Variants in YIPF6 observed in about 807,000 individuals in gnomAD.
YIPF6 encodes protein YIPF6.
A neutral mutation model predicts 16.8 loss-of-function variants in YIPF6; 3 were observed. That is an observed-to-expected ratio of 0.18 (90% CI 0.08 to 0.46). The LOEUF (loss-of-function observed/expected upper bound fraction) is 0.46. YIPF6 is among the 20% of genes least tolerant of loss of function. The probability of loss-of-function intolerance (pLI) is 0.98; values close to 1 mark genes in which losing one functional copy is unlikely to be tolerated. For missense variants in YIPF6, 145 were observed against 184.9 expected (o/e 0.78, Z 1.25); for synonymous variants, 67 against 61.9 (o/e 1.08, Z -0.38).
intron 1 of YIPF6, chrX:68,510,583 ATATTT>A (rs1385026897): frequency 1.1e-5 from 1 of 89,316 alleles, no homozygotes; most frequent in Non-Finnish European, 2.0e-5. Context: ...TTTATATTTT[ATATTT>A]TATTTATTTT....
chrX:68,521,385 G>C lies in YIPF6; in HGVS notation c.322G>C (p.Asp108His), dbSNP rs190491564. ...TCCTTTTCTCAGAATGCTGCAAAGAGACTCTGCAGATAGTGAAAAAGATGG... is the reference window on the plus strand; with the variant it reads ...TCCTTTTCTCAGAATGCTGCAAAGACACTCTGCAGATAGTGAAAAAGATGG... ...CVTLALMLQR[D>H]SADSEKDGGP... Residue 108 changes from aspartate to histidine, a missense_variant, in exon 5 of 7, where the codon GAC (aspartate) becomes CAC (histidine). Physicochemically the swap from Asp to His is moderately conservative, Grantham distance 81. Coordinates refer to ENST00000462683, the MANE Select transcript of YIPF6 (RefSeq NM_173834.4). 2.4e-4 allele frequency: 289 copies of C among 1,208,544 alleles called. 1 individual carries two copies. In the Admixed American group the frequency reaches 6.2e-3, roughly 26 times the overall value.
intron 6 of YIPF6, among the ~76,000 whole-genome samples, chrX:68,524,002 C>T (rs146423870): frequency 0.03 from 3,402 of 111,943 alleles, 138 homozygotes; most frequent in African/African-American, 0.11. Flanking sequence ...ATGCGTCAGG[C>T]ATAATTTTAG....
chrX:68,512,527 A>T (rs1273278499), intron 2 of YIPF6, among the ~76,000 whole-genome samples: 1 of 112,156 alleles, frequency 8.9e-6, no homozygotes, highest in East Asian at 2.8e-4. Context: ...CAAATGTAGT[A>T]TAAGGAAAGT....
Position 68,533,700 on chromosome X carries a change from T to C in YIPF6, c.*1701T>C, listed in dbSNP as rs889242334. 2.7e-5 allele frequency: 3 copies of C among 111,865 alleles called. No individual in the cohort carries two copies. Among genetic ancestry groups the C allele is most frequent in the Non-Finnish European group, 3.8e-5 (2 of 53,197 alleles). 9.2% of individuals were successfully genotyped at this position (111,865 alleles called of 1,213,427 possible). ...TATTTATTACAATTTACCTTTTAAA[T>C]TGTAAAATAAACCTTTGTGTGGACA... On this transcript the variant is annotated 3_prime_UTR_variant, in exon 7 of 7. Transcript: ENST00000462683.
At position 68,518,727 on chromosome X, in the gene YIPF6, A is replaced by G. The variant is rs760078731; in HGVS notation, c.266-43A>G. On this transcript the variant is annotated intron_variant, in intron 3 of 6. Transcript: ENST00000462683. ...GAGAGAGGTAGATATTAGAATAAAG[A>G]CAGAAAATATTACCTTCGCTTCTGT... 4 of 1,166,930 alleles carry G rather than the reference A, an allele frequency of 3.4e-6. No homozygotes were observed. The Admixed American group carries it at 8.1e-5, about 24-fold the overall frequency.
intron 1 of YIPF6, among the ~76,000 whole-genome samples, chrX:68,504,017 C>T (rs936503254): frequency 2.7e-5 from 3 of 112,465 alleles, no homozygotes; most frequent in Admixed American, 9.4e-5. Context: ...CGGCACCTGG[C>T]CCTCCCCTCA....
chrX:68,519,503 CTT>C (rs1369657249), intron 4 of YIPF6, among the ~76,000 whole-genome samples: 3 of 104,125 alleles, frequency 2.9e-5, no homozygotes, highest in Non-Finnish European at 2.0e-5. Flanking sequence ...TTTTATTTTT[CTT>C]TTTTTTTTTG....
chrX:68,523,819 A>G (rs1444372389), intron 6 of YIPF6, among the ~76,000 whole-genome samples: 1 of 111,967 alleles, frequency 8.9e-6, no homozygotes, highest in Non-Finnish European at 1.9e-5. Context: ...CTGTATATTA[A>G]GCTTGGGTGC....
Position 68,524,060 on chromosome X carries a change from G to A in YIPF6, c.592+1143G>A, listed in dbSNP as rs546894941. Among the ~76,000 whole-genome samples the A allele has an allele frequency of 1.4e-4, 16 of 111,855 alleles. 1 individual carries two copies. The South Asian group carries it at 3.8e-3, about 26-fold the overall frequency. ...TCACAATCTAACAGAGCAGCCCGAC[G>A]TGAAAACATTTAAAGGCAATAGGTG... On this transcript the variant is annotated intron_variant, in intron 6 of 6. Transcript: ENST00000462683.
At chrX:68,523,326 A>G (rs1366240874) in intron 6 of YIPF6, among the ~76,000 whole-genome samples, 5 of 111,819 alleles carry the variant, frequency 4.5e-5, no homozygotes, top group Non-Finnish European at 9.4e-5. Flanking sequence ...TATATATATT[A>G]TCCCATTTAA....
At position 68,502,871 on chromosome X, in the gene YIPF6, A is replaced by C. The variant is rs1286351309; in HGVS notation, c.57+3748A>C. Among the ~76,000 whole-genome samples the C allele has an allele frequency of 4.0e-5, 4 of 100,838 alleles. No individual in the cohort carries two copies. In the East Asian group the frequency reaches 9.3e-4, roughly 23 times the overall value. The allele number at this position is 100,838 out of a possible 115,157, so 87.6% of individuals were successfully genotyped here. A position where few individuals can be genotyped will look rare whatever the true frequency, so the allele number is the denominator to read the frequency against. ...AGCCGGAGTTTTGCTCTTGTTGCCC[A>C]GGGTTGGAGTGCAATGGTGCCACCT... On this transcript the variant is annotated intron_variant, in intron 1 of 6. Coordinates refer to ENST00000462683, the MANE Select transcript of YIPF6 (RefSeq NM_173834.4).
chrX:68,524,666 C>T (rs1334122820), intron 6 of YIPF6, among the ~76,000 whole-genome samples: 2 of 109,055 alleles, frequency 1.8e-5, no homozygotes, highest in Admixed American at 2.0e-4. Flanking sequence ...TGCTATTCCT[C>T]CCCTAGCCCC....
At chrX:68,528,999 A>G (rs1163771570) in intron 6 of YIPF6, among the ~76,000 whole-genome samples, 2 of 110,698 alleles carry the variant, frequency 1.8e-5, no homozygotes, top group African/African-American at 6.6e-5. Flanking sequence ...TGTTCTCTGT[A>G]TTTCCTGAAT....
intron 2 of YIPF6, among the ~76,000 whole-genome samples, chrX:68,512,258 G>A (rs1039876902): frequency 9.1e-6 from 1 of 110,465 alleles, no homozygotes; most frequent in African/African-American, 3.3e-5. Context: ...TCAGGAGTTC[G>A]AGACCAACCT....
At chrX:68,514,912 C>T (rs1306910019) in intron 3 of YIPF6, 1 of 112,302 alleles carries the variant, frequency 8.9e-6, no homozygotes, top group Non-Finnish European at 1.9e-5. Flanking sequence ...GTCTCAAACT[C>T]CTGGGCTCAA....
chrX:68,520,996 A>G (rs143937291), intron 4 of YIPF6, among the ~76,000 whole-genome samples: 60 of 111,735 alleles, frequency 5.4e-4, no homozygotes, highest in African/African-American at 1.5e-3. Context: ...TCATATTCTT[A>G]TGTGAAATAA....
chrX:68,514,201 C>T (rs1025511239), intron 3 of YIPF6: 1 of 99,267 alleles, frequency 1.0e-5, no homozygotes, highest in African/African-American at 3.7e-5. Context: ...TGCACCCTAG[C>T]CTGGGTGACA....
intron 6 of YIPF6, among the ~76,000 whole-genome samples, chrX:68,525,740 G>A (rs1290398042): frequency 2.7e-5 from 3 of 111,877 alleles, no homozygotes; most frequent in Non-Finnish European, 5.6e-5. Context: ...ATTAACTAGG[G>A]AATCCTTTCC....
chrX:68,533,928 G>A lies in YIPF6; in HGVS notation c.*1929G>A, dbSNP rs1410212217. On this transcript the variant is annotated 3_prime_UTR_variant, in exon 7 of 7. Transcript: ENST00000462683. The stretch of plus-strand genomic sequence containing the variant: ...AAAGAAGTAACCATGCTTCTCAAGG[G>A]GGAATTAAAAGTGTTTATTGAATTT... 8.9e-6 allele frequency: 1 copy of A among 112,138 alleles called. No homozygotes were observed. Among genetic ancestry groups the A allele is most frequent in the African/African-American group, 3.2e-5 (1 of 30,905 alleles). 9.2% of individuals were successfully genotyped at this position (112,138 alleles called of 1,213,427 possible).
Sources: allele counts gnomAD v4.1 joint callset (sites outside exome capture counted in the v4.1 genomes callset), GRCh38; gene constraint gnomAD v4.1.1; transcripts MANE v1.5; gene names NCBI Gene and HGNC (gene_info 2026-07-23, HGNC 2026-07-21).